The following SHANK2 variants were observed in gnomAD, a reference collection of about 807,000 sequenced individuals.
SHANK2 encodes the protein SH3 and multiple ankyrin repeat domains 2, also known as SH3 and multiple ankyrin repeat domains protein 2.
SHANK2 carries 43 observed loss-of-function variants against 133.7 expected under a neutral mutation model. That is an observed-to-expected ratio of 0.32 (90% confidence interval 0.25 to 0.41). The LOEUF (loss-of-function observed/expected upper bound fraction) is 0.41, where lower values mean the gene tolerates loss of function less well. SHANK2 is among the 10% of genes least tolerant of loss of function. The probability of loss-of-function intolerance (pLI) is 1.00; values close to 1 mark genes in which losing one functional copy is unlikely to be tolerated. For missense variants in SHANK2, 1,994 were observed against 2,235.8 expected, an observed-to-expected ratio of 0.89 and a Z score of 2.18; for synonymous variants, 1,017 against 952.8, an observed-to-expected ratio of 1.07 and a Z score of -1.24.
chr11:70,572,674 G>A (rs1554983340), intron 17 of SHANK2, among the ~76,000 whole-genome samples: 1 of 152,176 alleles, frequency 6.6e-6, no homozygotes, highest in Non-Finnish European at 1.5e-5. Flanking sequence ...AACATCAGGG[G>A]TCTCCAGGGA....
intron 17 of SHANK2, among the ~76,000 whole-genome samples, chr11:70,620,941 C>T (rs772372796): frequency 3.9e-5 from 6 of 152,202 alleles, no homozygotes; most frequent in Admixed American, 2.0e-4. Flanking sequence ...TCTGTCGAAC[C>T]TTATTACAGC....
At chr11:70,815,175 AACACACACACACACACACACACACACAC>A (rs61610592) in intron 12 of SHANK2, among the ~76,000 whole-genome samples, 5,107 of 119,726 alleles carry the variant, frequency 0.043, 138 homozygotes, top group East Asian at 0.091. Flanking sequence ...TGGGAGAAGA[AACACACACACACACACACACACACACAC>A]ACACACACAC....
At chr11:70,724,443 T>G (rs1555030076) in intron 14 of SHANK2, among the ~76,000 whole-genome samples, 2 of 152,142 alleles carry the variant, frequency 1.3e-5, no homozygotes, top group African/African-American at 4.8e-5. Context: ...GCCATAGGTG[T>G]AAAAATGTCT....
At chr11:70,793,691 T>C (rs1221844687) in intron 14 of SHANK2, among the ~76,000 whole-genome samples, 3 of 152,154 alleles carry the variant, frequency 2.0e-5, no homozygotes, top group Non-Finnish European at 2.9e-5. Context: ...CAAATGTTGA[T>C]GAGAAAGTGG....
intron 10 of SHANK2, among the ~76,000 whole-genome samples, chr11:70,926,084 G>A (rs1950423775): frequency 6.6e-6 from 1 of 152,070 alleles, no homozygotes; most frequent in South Asian, 2.1e-4. Context: ...ACCAGCCTGG[G>A]CAACATGGTG....
intron 11 of SHANK2, among the ~76,000 whole-genome samples, chr11:70,874,674 T>TAAAAAAA (rs34587004): frequency 1.2e-4 from 14 of 114,220 alleles, no homozygotes; most frequent in African/African-American, 4.8e-4. Flanking sequence ...CTGCATTTAC[T>TAAAAAAA]AAAAAAAAAA....
intron 2 of SHANK2, among the ~76,000 whole-genome samples, chr11:71,213,357 C>T (rs1315627555): frequency 6.6e-6 from 1 of 152,192 alleles, no homozygotes; most frequent in Admixed American, 6.5e-5. Context: ...TTCTGGAAAA[C>T]ACAGTTTGCT....
intron 17 of SHANK2, among the ~76,000 whole-genome samples, chr11:70,578,631 G>T (rs2060146717): frequency 6.6e-6 from 1 of 152,128 alleles, no homozygotes; most frequent in Non-Finnish European, 1.5e-5. Flanking sequence ...ACGTCTCACA[G>T]GCAGAACCTT....
At chr11:70,512,686 C>T (rs2059219041) in intron 17 of SHANK2, among the ~76,000 whole-genome samples, 1 of 152,106 alleles carries the variant, frequency 6.6e-6, no homozygotes, top group African/African-American at 2.4e-5. Flanking sequence ...ACTGAACAAC[C>T]AGGATTAAGT....
intron 14 of SHANK2, among the ~76,000 whole-genome samples, chr11:70,707,989 G>A (rs782206824): frequency 4.6e-5 from 7 of 152,144 alleles, no homozygotes; most frequent in South Asian, 2.1e-4. Context: ...GTCTGCTCCC[G>A]GTGTGCACCG....
intron 2 of SHANK2, among the ~76,000 whole-genome samples, chr11:71,171,467 A>G (rs1210786405): frequency 2.0e-5 from 3 of 152,166 alleles, no homozygotes; most frequent in Non-Finnish European, 4.4e-5. Flanking sequence ...CCAAAGTTGA[A>G]AATTGGTGAC....
rs963712236 is a variant in SHANK2 at position 71,168,609 on chromosome 11, A to G, written c.-12-21271T>C. Among the ~76,000 whole-genome samples the G allele has an allele frequency of 4.6e-5, 7 of 152,182 alleles. No individual in the cohort carries two copies. The East Asian group carries it at 5.8e-4, about 13-fold the overall frequency. On this transcript the variant is annotated intron_variant, in intron 2 of 25. Coordinates refer to ENST00000601538, the MANE Select transcript of SHANK2 (RefSeq NM_012309.5). ...ATGCCGAGGCTGGCGGATCACTCGC[A>G]GTTAGGAGCTGGAGACCAGCCCAGC... is the stretch of plus-strand genomic sequence containing the variant.
intron 6 of SHANK2, among the ~76,000 whole-genome samples, chr11:71,095,755 G>A (rs942255477): frequency 6.6e-6 from 1 of 152,176 alleles, no homozygotes; most frequent in Admixed American, 6.5e-5. Context: ...CCCTCCTGAG[G>A]ACTTTTAACA....
At chr11:71,146,198 C>T (rs1361590408) in intron 3 of SHANK2, among the ~76,000 whole-genome samples, 8 of 152,338 alleles carry the variant, frequency 5.3e-5, no homozygotes, top group Admixed American at 3.3e-4. Flanking sequence ...CCCACATCTC[C>T]GATTTGAGGC....
In SHANK2 at chr11:70,952,900, A is replaced by G. The variant is rs868918607; in HGVS notation, c.1108-56333T>C. 35 of 256,902 alleles carry G rather than the reference A, an allele frequency of 1.4e-4. 1 individual carries two copies. The Middle Eastern group carries it at 0.015, about 111-fold the overall frequency. 15.9% of individuals were successfully genotyped at this position (256,902 alleles called of 1,614,324 possible). On this transcript the variant is annotated intron_variant, in intron 10 of 25. Coordinates refer to ENST00000601538, the MANE Select transcript of SHANK2 (RefSeq NM_012309.5). Reference sequence around the variant, plus strand: ...GCAGTCCTGTAAGCCAGTGTCCAAAATGGCATCACTAAGCTGACCCCGAGG... The same window carrying G: ...GCAGTCCTGTAAGCCAGTGTCCAAAGTGGCATCACTAAGCTGACCCCGAGG...
In SHANK2 at chr11:71,157,777, C is replaced by T. The variant is rs550080197; in HGVS notation, c.-12-10439G>A. Among the ~76,000 whole-genome samples, 13 of 152,344 alleles carry T rather than the reference C, an allele frequency of 8.5e-5. 1 individual carries two copies. The East Asian group carries it at 1.9e-3, about 23-fold the overall frequency. ...CCTGTTTGTGATATGCTGGCCTACC[C>T]ATCTCACAGTTCTGCCGAAACCATT... On this transcript the variant is annotated intron_variant, in intron 2 of 25. Coordinates refer to ENST00000601538, the MANE Select transcript of SHANK2 (RefSeq NM_012309.5).
rs568771223 is a variant in SHANK2, at chr11:70,636,465, ATC to A, written c.2061+23361_2061+23362del. On this transcript the variant is annotated intron_variant, in intron 17 of 25. Coordinates refer to ENST00000601538, the MANE Select transcript of SHANK2 (RefSeq NM_012309.5). Reference sequence around the variant, plus strand: ...TGAATATGTGTGAGCACGTGTGAGCATCTGTGTATGTGTAAGCACGTGTGTGA... The same window carrying A: ...TGAATATGTGTGAGCACGTGTGAGCATGTGTATGTGTAAGCACGTGTGTGA... Among the ~76,000 whole-genome samples the A allele has an allele frequency of 1.6e-3, 245 of 149,162 alleles. 2 individuals carry two copies. Among genetic ancestry groups the A allele is most frequent in the East Asian group, 6.9e-3 (34 of 4,960 alleles).
At chr11:70,550,889 G>A (rs1218456490) in intron 17 of SHANK2, among the ~76,000 whole-genome samples, 1 of 152,208 alleles carries the variant, frequency 6.6e-6, no homozygotes, top group Non-Finnish European at 1.5e-5. Flanking sequence ...ACATCGAGGT[G>A]TGGATGGATG....
At chr11:70,913,756 CCT>C (rs1273113596) in intron 10 of SHANK2, among the ~76,000 whole-genome samples, 1 of 152,178 alleles carries the variant, frequency 6.6e-6, no homozygotes, top group Non-Finnish European at 1.5e-5. Context: ...AAAAAGGCAT[CCT>C]CTCCAGAGAC....
Sources: gnomAD v4.1 joint callset for allele counts (sites outside exome capture counted in the v4.1 genomes callset) on GRCh38, gnomAD v4.1.1 for gene constraint, MANE v1.5 for transcripts, NCBI Gene and HGNC (gene_info 2026-07-23, HGNC 2026-07-21) for gene names.